The following RAD23B variants were observed in gnomAD, a reference collection of about 807,000 sequenced individuals.
The protein encoded by RAD23B is lysine-specific demethylase RAD23B.
RAD23B carries 5 observed loss-of-function variants against 49.1 expected under a neutral mutation model. The observed-to-expected ratio is 0.10, with a 90% CI of 0.05 to 0.21. RAD23B has a LOEUF of 0.21. RAD23B is among the 10% of genes least tolerant of loss of function. The pLI, the probability that RAD23B is intolerant of heterozygous loss-of-function variation, is 1.00. For synonymous variants in RAD23B, 184 were observed against 165.4 expected (o/e 1.11, Z -0.86); for missense variants, 356 against 486.7 (o/e 0.73, Z 2.53).
At position 107,306,505 on chromosome 9, in the gene RAD23B, C is replaced by T. The variant is rs1248493574; in HGVS notation, c.355C>T (p.Pro119Ser). 7.4e-6 allele frequency: 12 copies of T among 1,614,024 alleles called. No homozygotes were observed. Among genetic ancestry groups the T allele is most frequent in the Non-Finnish European group, 1.0e-5 (12 of 1,180,024 alleles). ...QAPTPVPALA[P>S]TSTPASITPA... Reference sequence around the variant, plus strand: ...TCCAACCCCTGTCCCTGCCTTGGCCCCCACTTCCACACCTGCATCCATCAC... The same window carrying T: ...TCCAACCCCTGTCCCTGCCTTGGCCTCCACTTCCACACCTGCATCCATCAC... The change falls in exon 4 of 10, where the codon CCC becomes TCC. Residue 119 changes from proline (P) to serine (S), a missense_variant. Pro to Ser is a moderately conservative substitution (Grantham distance 74). Coordinates refer to ENST00000358015, the MANE Select transcript of RAD23B (RefSeq NM_002874.5).
chr9:107,289,118 T>C (rs73515727), intron 1 of RAD23B, among the ~76,000 whole-genome samples: 4,665 of 120,442 alleles, frequency 0.039, 253 homozygotes, highest in African/African-American at 0.14. Flanking sequence ...CTCCCTCCCT[T>C]CCCCCTTCCC....
Position 107,331,805 on chromosome 9 carries a change from C to G in RAD23B, c.*2149C>G. 1.3e-6 allele frequency: 1 copy of G among 757,988 alleles called. No individual in the cohort carries two copies. The highest frequency in any genetic ancestry group is 2.4e-6 in the Non-Finnish European group (1 of 410,682). The allele number at this position is 757,988 out of a possible 1,614,324, so 47.0% of individuals were successfully genotyped here. On this transcript the variant is annotated 3_prime_UTR_variant, in exon 10 of 10. Coordinates refer to ENST00000358015, the MANE Select transcript of RAD23B (RefSeq NM_002874.5). ...TTAATTATCAGAAGACAGCTCAGGC[C>G]AAGTTTTGATCGTTCCATACAGTAC...
intron 5 of RAD23B, among the ~76,000 whole-genome samples, chr9:107,312,621 T>C (rs1179085419): frequency 1.3e-5 from 2 of 152,232 alleles, no homozygotes; most frequent in Admixed American, 6.5e-5. Context: ...GATTTTCATC[T>C]TTGAGGAGCA....
At chr9:107,319,693 G>A (rs372455397) in intron 6 of RAD23B, among the ~76,000 whole-genome samples, 127 of 152,194 alleles carry the variant, frequency 8.3e-4, no homozygotes, top group African/African-American at 1.3e-3. Context: ...ACCTGGTTCC[G>A]TTGGCATTTG....
chr9:107,325,927 G>A (rs986630883), intron 9 of RAD23B, among the ~76,000 whole-genome samples: 3 of 151,986 alleles, frequency 2.0e-5, no homozygotes, highest in Admixed American at 2.0e-4. Context: ...TTACTAGTTT[G>A]TTCATCACGA....
In RAD23B at chr9:107,332,072, C is replaced by T. The variant is rs1054041781; in HGVS notation, c.*2416C>T. 3.5e-6 allele frequency: 1 copy of T among 284,368 alleles called. No individual in the cohort carries two copies. Among genetic ancestry groups the T allele is most frequent in the Non-Finnish European group, 6.4e-6 (1 of 155,614 alleles). 17.6% of individuals were successfully genotyped at this position (284,368 alleles called of 1,614,324 possible). ...GTTTGTATTTGTAAATTTCTTATGC[C>T]ATCCTCTAGTCAAATTTTTTTTCAT... On this transcript the variant is annotated 3_prime_UTR_variant, in exon 10 of 10. Coordinates refer to ENST00000358015, the MANE Select transcript of RAD23B (RefSeq NM_002874.5).
chr9:107,301,148 C>T (rs11573663), intron 2 of RAD23B, among the ~76,000 whole-genome samples: 16 of 152,204 alleles, frequency 1.1e-4, no homozygotes, highest in African/African-American at 3.4e-4. Context: ...ACCTTCAGCA[C>T]GACCACAGTT....
chr9:107,300,236 A>G lies in RAD23B; in HGVS notation c.148+14A>G. ...TAATTTATGCAGGTATGAATTAAAT[A>G]TTAAAATTAACATGCCATGTCTTGA... On this transcript the variant is annotated intron_variant, in intron 2 of 9. Coordinates refer to ENST00000358015, the MANE Select transcript of RAD23B (RefSeq NM_002874.5). 1 of 1,593,396 alleles carries G rather than the reference A, an allele frequency of 6.3e-7. No individual in the cohort carries two copies. The highest frequency in any genetic ancestry group is 8.5e-7 in the Non-Finnish European group (1 of 1,171,242).
intron 8 of RAD23B, 92 bp downstream of exon 8, chr9:107,324,109 T>G: frequency 7.7e-7 from 1 of 1,301,534 alleles, no homozygotes; most frequent in Admixed American, 1.9e-5. Flanking sequence ...CAAATACAAC[T>G]CTGTATTTGA....
intron 1 of RAD23B, chr9:107,284,332 GT>G: frequency 1.6e-6 from 1 of 617,596 alleles, no homozygotes; most frequent in Non-Finnish European, 2.0e-6. Flanking sequence ...TTTGGTGATG[GT>G]TTTAGCTGTT....
At chr9:107,306,089 A>ATG (rs1413442945) in intron 3 of RAD23B, among the ~76,000 whole-genome samples, 2 of 130,622 alleles carry the variant, frequency 1.5e-5, no homozygotes, top group Non-Finnish European at 3.2e-5. Flanking sequence ...ATCTATATAT[A>ATG]TTTCAAATTT....
chr9:107,286,380 G>A (rs1453924097), intron 1 of RAD23B, among the ~76,000 whole-genome samples: 2 of 152,130 alleles, frequency 1.3e-5, no homozygotes, highest in East Asian at 3.8e-4. Flanking sequence ...TAGAGTAGGG[G>A]GATATACAAA....
At chr9:107,293,776 G>A (rs773891136) in intron 1 of RAD23B, among the ~76,000 whole-genome samples, 3 of 152,038 alleles carry the variant, frequency 2.0e-5, no homozygotes, top group Non-Finnish European at 2.9e-5. Flanking sequence ...TAAATTTGTC[G>A]AATGAAAAAT....
chr9:107,312,837 T>C (rs959024948), intron 5 of RAD23B, among the ~76,000 whole-genome samples: 3 of 148,520 alleles, frequency 2.0e-5, no homozygotes, highest in African/African-American at 7.9e-5. Flanking sequence ...TTGCCCCTGA[T>C]GGTGTTGAAG....
chr9:107,320,864 T>C (rs1276555166), intron 6 of RAD23B, among the ~76,000 whole-genome samples: 4 of 152,232 alleles, frequency 2.6e-5, no homozygotes, highest in Non-Finnish European at 5.9e-5. Context: ...GAGTGACATC[T>C]AATCCATGCA....
chr9:107,322,796 A>G (rs755469029), intron 7 of RAD23B, among the ~76,000 whole-genome samples: 8 of 152,230 alleles, frequency 5.3e-5, no homozygotes, highest in Non-Finnish European at 1.2e-4. Flanking sequence ...CTGGTTGACA[A>G]AGGTCACTCA....
chr9:107,295,088 G>T (rs1007025411), intron 1 of RAD23B, among the ~76,000 whole-genome samples: 4 of 150,982 alleles, frequency 2.6e-5, no homozygotes, highest in African/African-American at 9.7e-5. Flanking sequence ...GCGGTGGGTG[G>T]GGGGGGACTA....
intron 7 of RAD23B, among the ~76,000 whole-genome samples, chr9:107,323,085 A>G (rs919757566): frequency 1.3e-5 from 2 of 152,246 alleles, no homozygotes; most frequent in African/African-American, 4.8e-5. Context: ...TCTTTTATTC[A>G]TTAGTAACCT....
chr9:107,317,792 C>T (rs918900123), intron 5 of RAD23B, among the ~76,000 whole-genome samples: 1 of 151,894 alleles, frequency 6.6e-6, no homozygotes, highest in Non-Finnish European at 1.5e-5. Context: ...AGAGTGTTGT[C>T]TGTATTGAGA....
Sources: gnomAD v4.1 joint callset for allele counts (sites outside exome capture counted in the v4.1 genomes callset) on GRCh38, gnomAD v4.1.1 for gene constraint, MANE v1.5 for transcripts, NCBI Gene and HGNC (gene_info 2026-07-23, HGNC 2026-07-21) for gene names.